Variants in IFI44 observed in about 807,000 individuals in gnomAD.
IFI44 encodes the protein interferon-induced protein 44.
In IFI44, 42 loss-of-function variants were observed where a neutral mutation model predicts 45.0. The observed-to-expected ratio is 0.93, with a 90% CI of 0.73 to 1.21. The LOEUF is 1.21. IFI44 is among the 50% of genes most tolerant of loss of function. IFI44 has a pLI of 0.00. For missense variants in IFI44, 623 were observed against 525.8 expected, an observed-to-expected ratio of 1.18 and a Z score of -1.81; for synonymous variants, 221 against 188.6, an observed-to-expected ratio of 1.17 and a Z score of -1.41.
In IFI44 at chr1:78,650,614, C is replaced by G. The variant is rs771770749; in HGVS notation, c.419C>G (p.Thr140Ser). The change falls in exon 2 of 9, where the codon ACT becomes AGT. Residue 140 changes from threonine (T) to serine (S), a missense_variant. Thr to Ser is a moderately conservative substitution (Grantham distance 58). Transcript: ENST00000370747. Reference protein sequence around the residue: ...MENLGLAQNCTISIQDYEVFR... With the variant: ...MENLGLAQNCSISIQDYEVFR... ...AATCTTGGACTTGCTCAAAATTGTA[C>G]TATCTCTATTCAGGATTATGAAGTT... The G allele has an allele frequency of 1.9e-6, 3 of 1,607,392 alleles. No individual in the cohort carries two copies. Among genetic ancestry groups the G allele is most frequent in the Non-Finnish European group, 1.7e-6 (2 of 1,177,274 alleles).
chr1:78,655,596 T>C, intron 5 of IFI44, 85 bp downstream of exon 5: 1 of 1,209,338 alleles, frequency 8.3e-7, no homozygotes, highest in Non-Finnish European at 1.1e-6. Context: ...CTTCTTAAAT[T>C]ATACTTGCTC....
chr1:78,663,906 A>C lies in IFI44; in HGVS notation c.*95A>C. On this transcript the variant is annotated 3_prime_UTR_variant, in exon 9 of 9. Transcript: ENST00000370747. ...ACCAAAGAGAAGTATCTAAGACCAA[A>C]GGGATGTGTTTTATTAATGTCTAGG... The C allele has an allele frequency of 1.7e-6, 2 of 1,161,012 alleles. No individual in the cohort carries two copies. Among genetic ancestry groups the C allele is most frequent in the Non-Finnish European group, 2.4e-6 (2 of 821,812 alleles). The allele number at this position is 1,161,012 out of a possible 1,614,324, so 71.9% of individuals were successfully genotyped here.
chr1:78,659,510 G>A, intron 6 of IFI44, 27 bp downstream of exon 6: 10 of 1,577,510 alleles, frequency 6.3e-6, no homozygotes, highest in Non-Finnish European at 8.7e-6. Flanking sequence ...TTTGCTAAGG[G>A]TAATACCACT....
Position 78,660,671 on chromosome 1 carries a change from T to G in IFI44, c.1113+17T>G. On this transcript the variant is annotated intron_variant, in intron 7 of 8. Transcript: ENST00000370747. ...AGGTCCAAGGTAATGAATGATGCCC[T>G]TCGTAAACACATTTTCTGGGGTATG... 6.7e-7 allele frequency: 1 copy of G among 1,489,838 alleles called. No homozygotes were observed. 92.3% of individuals were successfully genotyped at this position (1,489,838 alleles called of 1,614,324 possible). A position where few individuals can be genotyped will look rare whatever the true frequency, so the allele number is the denominator to read the frequency against.
In IFI44 at chr1:78,659,380, A is replaced by G; in HGVS notation, c.909A>G (p.Arg303=). 1 of 1,613,380 alleles carries G rather than the reference A, an allele frequency of 6.2e-7. No homozygotes were observed. Among genetic ancestry groups the G allele is most frequent in the Admixed American group, 1.7e-5 (1 of 60,002 alleles). ...DYIDSPSLKD[R]IHCVAFVFDA... ...TTGATTCCCCATCGCTGAAGGACAG[A>G]ATTCATTGTGTGGCATTTGTATTTG... Residue 303 remains arginine, a synonymous_variant, in exon 6 of 9, where the codon AGA becomes AGG. Transcript: ENST00000370747.
At chr1:78,656,136 A>G (rs1171293576) in intron 5 of IFI44, among the ~76,000 whole-genome samples, 1 of 152,144 alleles carries the variant, frequency 6.6e-6, no homozygotes, top group African/African-American at 2.4e-5. Flanking sequence ...TGAAATTCCC[A>G]GCCTCCAGAA....
intron 3 of IFI44, 93 bp from the exon 4 acceptor site, chr1:78,654,921 A>G: frequency 1.0e-6 from 1 of 971,122 alleles, no homozygotes; most frequent in Non-Finnish European, 1.4e-6. Flanking sequence ...AATCAAAAAT[A>G]ATATCTATGA....
At position 78,650,362 on chromosome 1, in the gene IFI44, G is replaced by A; in HGVS notation, c.167G>A (p.Ser56Asn). The change falls in exon 2 of 9, where the codon AGT becomes AAT. Residue 56 changes from serine to asparagine, a missense_variant. Transcript: ENST00000370747. ...NQGPTLTVIY[S>N]EDHIIGAYAE... ...GGGCCTACTCTAACAGTGATTTATA[G>A]TGAAGATCATATTATTGGAGCATAT... The A allele has an allele frequency of 6.2e-7, 1 of 1,614,112 alleles. No homozygotes were observed.
Position 78,655,381 on chromosome 1 carries a change from G to C in IFI44, c.710G>C (p.Arg237Thr). The C allele has an allele frequency of 1.2e-6, 2 of 1,612,764 alleles. No homozygotes were observed. Residue 237 changes from arginine (R) to threonine (T), a missense_variant, in exon 5 of 9, where the codon AGA (arginine) becomes ACA (threonine). Physicochemically the swap from Arg to Thr is moderately conservative, Grantham distance 71. Coordinates refer to ENST00000370747, the MANE Select transcript of IFI44 (RefSeq NM_006417.5). ...CTACAGTATAGGACATACTCTATTA[G>C]AGACGGGAAAGATGGCAAATACCTG... ...ISEKYRTYSI[R>T]DGKDGKYLPF... is the part of the protein sequence containing the mutation.
chr1:78,657,008 CTT>C (rs1406559274), intron 5 of IFI44, among the ~76,000 whole-genome samples: 3 of 151,540 alleles, frequency 2.0e-5, no homozygotes, highest in Non-Finnish European at 4.4e-5. Flanking sequence ...CCCACTTTCT[CTT>C]CTCTCTTATT....
intron 1 of IFI44, 24 bp from the exon 2 acceptor site, chr1:78,650,162 A>C (rs1209414001): frequency 1.3e-6 from 2 of 1,493,094 alleles, no homozygotes; most frequent in Non-Finnish European, 1.8e-6. Flanking sequence ...TATTTAATGG[A>C]AAATATATAT....
chr1:78,654,394 T>C (rs1481770455), intron 3 of IFI44, 115 bp downstream of exon 3: 5 of 596,848 alleles, frequency 8.4e-6, no homozygotes, highest in African/African-American at 1.9e-5. Flanking sequence ...TTGTGGATCA[T>C]CAAGAACAAA....
Position 78,650,441 on chromosome 1 carries a change from T to G in IFI44, c.246T>G (p.Leu82=). 1 of 1,614,024 alleles carries G rather than the reference T, an allele frequency of 6.2e-7. No individual in the cohort carries two copies. The highest frequency in any genetic ancestry group is 8.5e-7 in the Non-Finnish European group (1 of 1,179,894). ...ATGCTTCCATCATCCTTTTTGCACT[T>G]CAAGATACTAAAATTTCAGAATGGA... ...GKYASIILFA[L]QDTKISEWKL... The change falls in exon 2 of 9, where the codon CTT becomes CTG. Residue 82 remains leucine, a synonymous_variant. Coordinates refer to ENST00000370747, the MANE Select transcript of IFI44 (RefSeq NM_006417.5).
rs751768438 is a variant in IFI44 at position 78,659,343 on chromosome 1, A to T, written c.872A>T (p.His291Leu). 6.2e-7 allele frequency: 1 copy of T among 1,613,092 alleles called. No individual in the cohort carries two copies. The highest frequency in any genetic ancestry group is 1.3e-5 in the African/African-American group (1 of 74,916). The change falls in exon 6 of 9, where the codon CAT becomes CTT. Residue 291 changes from histidine to leucine, a missense_variant. His to Leu is a moderately conservative substitution (Grantham distance 99). Coordinates refer to ENST00000370747, the MANE Select transcript of IFI44 (RefSeq NM_006417.5). ...CCCATGGAATCAATCAAATTAAATC[A>T]TCATGACTACATTGATTCCCCATCG... The part of the protein sequence containing the change: ...FNPMESIKLN[H>L]HDYIDSPSLK...
intron 2 of IFI44, among the ~76,000 whole-genome samples, chr1:78,652,749 C>T (rs1017725061): frequency 6.6e-6 from 1 of 152,134 alleles, no homozygotes; most frequent in African/African-American, 2.4e-5. Context: ...CAGTTTGGGG[C>T]TATTACAAAT....
chr1:78,650,323 G>C lies in IFI44; in HGVS notation c.128G>C (p.Arg43Thr). ...TTCCGTAATGGAGTTTTGCTTGACA[G>C]ATGTTGTAATCAAGGGCCTACTCTA... ...HGFRNGVLLDRCCNQGPTLTV... is the reference protein window; with the variant it reads ...HGFRNGVLLDTCCNQGPTLTV... Residue 43 changes from arginine (R) to threonine (T), a missense_variant, in exon 2 of 9, where the codon AGA becomes ACA. Physicochemically the swap from Arg to Thr is moderately conservative, Grantham distance 71. Coordinates refer to ENST00000370747, the MANE Select transcript of IFI44 (RefSeq NM_006417.5). 6.2e-7 allele frequency: 1 copy of C among 1,614,056 alleles called. No homozygotes were observed. Among genetic ancestry groups the C allele is most frequent in the Non-Finnish European group, 8.5e-7 (1 of 1,179,974 alleles).
intron 6 of IFI44, among the ~76,000 whole-genome samples, chr1:78,659,936 G>T (rs1647357202): frequency 6.6e-6 from 1 of 152,220 alleles, no homozygotes; most frequent in African/African-American, 2.4e-5. Context: ...AGAGTTTGGA[G>T]AAGGTAACCA....
intron 2 of IFI44, among the ~76,000 whole-genome samples, chr1:78,652,567 T>C (rs898611798): frequency 6.6e-6 from 1 of 152,216 alleles, no homozygotes; most frequent in Non-Finnish European, 1.5e-5. Flanking sequence ...GAGTGTTCCC[T>C]GGTAAAGTGA....
chr1:78,662,300 C>T (rs767142480), intron 7 of IFI44, among the ~76,000 whole-genome samples: 7 of 152,122 alleles, frequency 4.6e-5, no homozygotes, highest in Non-Finnish European at 1.0e-4. Context: ...ATTGACAGTG[C>T]TGAGCAGTGA....
Sources: gnomAD v4.1 joint callset for allele counts (sites outside exome capture counted in the v4.1 genomes callset) on GRCh38, gnomAD v4.1.1 for gene constraint, MANE v1.5 for transcripts, NCBI Gene and HGNC (gene_info 2026-07-23, HGNC 2026-07-21) for gene names.